Variants in LOC122539214 observed in about 807,000 individuals in gnomAD.
the LOC122539214 span, chr19:52,655,285 G>C: frequency 3.0e-6 from 1 of 328,596 alleles, no homozygotes; most frequent in Non-Finnish European, 5.5e-6. Context: ...TGACAATTCT[G>C]CTCAGGGCTA....
the LOC122539214 span, among the ~76,000 whole-genome samples, chr19:52,687,601 ATATATATATAATGTG>A: frequency 1.0e-4 from 3 of 29,416 alleles, 1 homozygote; most frequent in African/African-American, 4.0e-4. Flanking sequence ...TATATAATGT[ATATATATATAATGTG>A]TATATATATA....
the LOC122539214 span, among the ~76,000 whole-genome samples, chr19:52,663,170 G>GA: frequency 2.4e-3 from 350 of 148,474 alleles, 2 homozygotes; most frequent in African/African-American, 7.8e-3. Context: ...CTCAAAAAAG[G>GA]AAAAAAAAAA....
chr19:52,662,300 A>T, the LOC122539214 span, among the ~76,000 whole-genome samples: 1 of 152,302 alleles, frequency 6.6e-6, no homozygotes, highest in African/African-American at 2.4e-5. Context: ...CTGCAAGGGA[A>T]TGTGTTCAGG....
chr19:52,690,143 A>G, the LOC122539214 span, among the ~76,000 whole-genome samples: 1 of 151,224 alleles, frequency 6.6e-6, no homozygotes, highest in African/African-American at 2.4e-5. Context: ...TGAGGACGTT[A>G]AAAAGCGCGG....
At chr19:52,682,229 A>C in the LOC122539214 span, among the ~76,000 whole-genome samples, 1 of 152,046 alleles carries the variant, frequency 6.6e-6, no homozygotes, top group Non-Finnish European at 1.5e-5. Context: ...AAAAAAACTT[A>C]TTGCAAATGA....
the LOC122539214 span, among the ~76,000 whole-genome samples, chr19:52,677,306 TAAAAAAAA>T: frequency 3.8e-5 from 4 of 106,464 alleles, no homozygotes; most frequent in Admixed American, 1.1e-4. Flanking sequence ...AATTGAGAAG[TAAAAAAAA>T]AAAAAAAAAA....
At chr19:52,682,011 C>T in the LOC122539214 span, among the ~76,000 whole-genome samples, 3 of 152,236 alleles carry the variant, frequency 2.0e-5, no homozygotes, top group African/African-American at 7.2e-5. Context: ...CCACACCCAG[C>T]TAATTTTTGT....
At chr19:52,668,724 T>C in the LOC122539214 span, among the ~76,000 whole-genome samples, 1 of 152,242 alleles carries the variant, frequency 6.6e-6, no homozygotes, top group African/African-American at 2.4e-5. Flanking sequence ...ATATTCCCTC[T>C]GCATGTTGAA....
the LOC122539214 span, among the ~76,000 whole-genome samples, chr19:52,666,078 G>A: frequency 5.2e-3 from 788 of 151,528 alleles, 4 homozygotes; most frequent in African/African-American, 0.018. Flanking sequence ...GTGGGAGAAT[G>A]GTGTGAACCC....
the LOC122539214 span, among the ~76,000 whole-genome samples, chr19:52,654,630 T>C: frequency 6.6e-6 from 1 of 152,106 alleles, no homozygotes; most frequent in Non-Finnish European, 1.5e-5. Flanking sequence ...GGCAGGAGAA[T>C]TTCTTGAACC....
the LOC122539214 span, among the ~76,000 whole-genome samples, chr19:52,675,956 C>T: frequency 6.6e-6 from 1 of 152,106 alleles, no homozygotes; most frequent in Admixed American, 6.5e-5. Context: ...CTTTGGGAGG[C>T]CGATGCAGGC....
chr19:52,655,703 C>G, the LOC122539214 span: 2 of 970,734 alleles, frequency 2.1e-6, no homozygotes, highest in Non-Finnish European at 1.6e-6. Context: ...ATTAAACACA[C>G]ATTTCAACAA....
At chr19:52,673,076 A>G in the LOC122539214 span, among the ~76,000 whole-genome samples, 403 of 152,218 alleles carry the variant, frequency 2.6e-3, 3 homozygotes, top group Non-Finnish European at 4.0e-3. Flanking sequence ...AAAAAACTGG[A>G]TGTGAGCCTG....
the LOC122539214 span, chr19:52,650,536 T>A: frequency 6.6e-6 from 1 of 152,152 alleles, no homozygotes; most frequent in Non-Finnish European, 1.5e-5. Flanking sequence ...GGACTACAGG[T>A]GTGAGCCATG....
At chr19:52,661,305 A>G in the LOC122539214 span, among the ~76,000 whole-genome samples, 2 of 152,198 alleles carry the variant, frequency 1.3e-5, no homozygotes, top group African/African-American at 2.4e-5. Flanking sequence ...AGGAAGACCT[A>G]CAAGGGTAAT....
chr19:52,653,346 T>C, the LOC122539214 span: 1 of 1,222,502 alleles, frequency 8.2e-7, no homozygotes, highest in South Asian at 1.2e-5. Context: ...CTCTCTGATG[T>C]TGTGCAAGGT....
chr19:52,678,460 A>AG, the LOC122539214 span, among the ~76,000 whole-genome samples: 1 of 150,890 alleles, frequency 6.6e-6, no homozygotes, highest in African/African-American at 2.4e-5. Context: ...AAAAAAAAAA[A>AG]AAAAGAAAAA....
chr19:52,654,114 A>C, the LOC122539214 span: 1 of 1,605,360 alleles, frequency 6.2e-7, no homozygotes, highest in East Asian at 2.2e-5. Flanking sequence ...GATGTGAATA[A>C]AAGCTTGATC....
At chr19:52,674,137 A>T in the LOC122539214 span, 1 of 152,202 alleles carries the variant, frequency 6.6e-6, no homozygotes, top group African/African-American at 2.4e-5. Flanking sequence ...CAGGTTAAAA[A>T]GCCCTCAAAT....
Sources: gnomAD v4.1 joint callset for allele counts (sites outside exome capture counted in the v4.1 genomes callset) on GRCh38, gnomAD v4.1.1 for gene constraint, MANE v1.5 for transcripts.